Variants in RBFOX1 observed in about 807,000 individuals in gnomAD.
The protein encoded by RBFOX1 is RNA binding fox-1 homolog 1.
In RBFOX1, 8 loss-of-function variants were observed where a neutral mutation model predicts 57.7. That is an observed-to-expected ratio of 0.14 (90% confidence interval 0.08 to 0.25). The LOEUF is 0.25. RBFOX1 is among the 10% of genes least tolerant of loss of function. The pLI is 1.00. For synonymous variants in RBFOX1, 326 were observed against 222.4 expected (o/e 1.47, Z -4.15); for missense variants, 611 against 548.5 (o/e 1.11, Z -1.14).
At chr16:7,609,453 A>G (rs546132065) in intron 10 of RBFOX1, among the ~76,000 whole-genome samples, 1 of 152,322 alleles carries the variant, frequency 6.6e-6, no homozygotes, top group South Asian at 2.1e-4. Flanking sequence ...CTGATTTGTA[A>G]CTATAAGAAT....
intron 3 of RBFOX1, among the ~76,000 whole-genome samples, chr16:5,728,519 C>T (rs1045641195): frequency 5.9e-5 from 9 of 152,180 alleles, no homozygotes; most frequent in Non-Finnish European, 1.0e-4. Flanking sequence ...CCTCCTTGCC[C>T]ACTTAGCAGG....
At chr16:7,517,914 T>G (rs2076722541) in intron 4 of RBFOX1, among the ~76,000 whole-genome samples, 1 of 152,096 alleles carries the variant, frequency 6.6e-6, no homozygotes, top group South Asian at 2.1e-4. Context: ...ACTTTATCTT[T>G]ATCTTTCCAA....
chr16:5,801,465 G>A (rs890475002), intron 3 of RBFOX1, among the ~76,000 whole-genome samples: 6 of 151,618 alleles, frequency 4.0e-5, no homozygotes, highest in Admixed American at 1.3e-4. Context: ...GTTAATTTTT[G>A]AGGCAGTAAT....
chr16:7,445,136 G>T (rs1303201701), intron 4 of RBFOX1, among the ~76,000 whole-genome samples: 2 of 152,060 alleles, frequency 1.3e-5, no homozygotes, highest in African/African-American at 4.8e-5. Flanking sequence ...ACAGGGTGGG[G>T]ATAGTCCCTT....
chr16:6,902,412 C>G (rs2068715757), intron 3 of RBFOX1, among the ~76,000 whole-genome samples: 1 of 152,130 alleles, frequency 6.6e-6, no homozygotes, highest in South Asian at 2.1e-4. Context: ...CCAGGCCATA[C>G]TCAGAAGACC....
chr16:6,168,496 G>A (rs987983763), intron 1 of RBFOX1, among the ~76,000 whole-genome samples: 5 of 152,168 alleles, frequency 3.3e-5, no homozygotes, highest in African/African-American at 1.2e-4. Flanking sequence ...GATCTGCAAT[G>A]AGCCTATAGC....
At chr16:7,385,870 C>T (rs1597119564) in intron 4 of RBFOX1, among the ~76,000 whole-genome samples, 1 of 152,124 alleles carries the variant, frequency 6.6e-6, no homozygotes, top group East Asian at 1.9e-4. Flanking sequence ...TTTTCTGCTT[C>T]AGCCTCTGAG....
chr16:5,647,187 C>T (rs996321604), intron 3 of RBFOX1, among the ~76,000 whole-genome samples: 1 of 152,090 alleles, frequency 6.6e-6, no homozygotes, highest in Non-Finnish European at 1.5e-5. Flanking sequence ...GCATGTGCAC[C>T]GTTTCACTGA....
intron 2 of RBFOX1, among the ~76,000 whole-genome samples, chr16:5,513,165 G>A (rs975502657): frequency 6.6e-6 from 1 of 152,166 alleles, no homozygotes; most frequent in African/African-American, 2.4e-5. Flanking sequence ...TCTGGACTCA[G>A]CTTCCCAAAG....
chr16:5,258,461 T>C (rs2062645578), intron 1 of RBFOX1, among the ~76,000 whole-genome samples: 1 of 152,228 alleles, frequency 6.6e-6, no homozygotes, highest in African/African-American at 2.4e-5. Context: ...CAGTAATTCC[T>C]TAATATCCTC....
intron 4 of RBFOX1, among the ~76,000 whole-genome samples, chr16:7,237,718 T>C (rs572415995): frequency 6.6e-6 from 1 of 152,230 alleles, no homozygotes; most frequent in South Asian, 2.1e-4. Flanking sequence ...ATGAAGGAGA[T>C]TCTGGCCGAC....
At chr16:7,261,163 C>T (rs561237609) in intron 4 of RBFOX1, among the ~76,000 whole-genome samples, 25 of 152,314 alleles carry the variant, frequency 1.6e-4, no homozygotes, top group Non-Finnish European at 2.6e-4. Context: ...GAGCTCCAGC[C>T]GCAGTTCTTG....
chr16:5,791,710 T>A (rs2054703809), intron 3 of RBFOX1, among the ~76,000 whole-genome samples: 1 of 152,264 alleles, frequency 6.6e-6, no homozygotes, highest in Non-Finnish European at 1.5e-5. Flanking sequence ...TAGAAAAAAA[T>A]TAGCACACAC....
intron 5 of RBFOX1, among the ~76,000 whole-genome samples, chr16:7,535,613 C>T (rs1446787486): frequency 6.6e-6 from 1 of 152,212 alleles, no homozygotes; most frequent in African/African-American, 2.4e-5. Flanking sequence ...TCTTTCCTGA[C>T]ACCACCTCAA....
At chr16:5,640,482 C>CACAGGCACACACACATGTACACCATGCAT (rs2048825666) in intron 3 of RBFOX1, among the ~76,000 whole-genome samples, 1 of 151,454 alleles carries the variant, frequency 6.6e-6, no homozygotes, top group Admixed American at 6.6e-5. Context: ...ACACCATGCA[C>CACAGGCACACACACATGTACACCATGCAT]ACACATATAT....
chr16:7,240,067 A>G (rs1265211127), intron 4 of RBFOX1, among the ~76,000 whole-genome samples: 1 of 152,116 alleles, frequency 6.6e-6, no homozygotes, highest in Non-Finnish European at 1.5e-5. Context: ...CCTGAGTTCA[A>G]GCGATTCTCC....
In RBFOX1 at chr16:6,042,102, C is replaced by CTT. The variant is rs35458939; in HGVS notation, c.-127+22125_-127+22126dup. ...GTCTCATCTCCTGGACTCTCTCCTA[C>CTT]TTTTTTTTTTTTTTTTGAGACAGAG... is the stretch of plus-strand genomic sequence containing the variant. On this transcript the variant is annotated intron_variant, in intron 1 of 15. Transcript: ENST00000550418. 5.3e-4 allele frequency among the ~76,000 whole-genome samples: 75 copies of CTT among 140,912 alleles called. 1 individual carries two copies. Among genetic ancestry groups the CTT allele is most frequent in the East Asian group, 1.4e-3 (7 of 4,830 alleles). The allele number at this position is 140,912 out of a possible 152,430, so 92.4% of individuals were successfully genotyped here.
intron 3 of RBFOX1, among the ~76,000 whole-genome samples, chr16:5,625,543 TTTAC>T (rs71142633): frequency 0.13 from 17,858 of 140,762 alleles, 1,979 homozygotes; most frequent in African/African-American, 0.34. Flanking sequence ...TTGTTATTTA[TTTAC>T]TTATTTATTT....
At chr16:7,589,291 C>T (rs1248539464) in intron 7 of RBFOX1, among the ~76,000 whole-genome samples, 5 of 152,058 alleles carry the variant, frequency 3.3e-5, no homozygotes, top group African/African-American at 1.2e-4. Context: ...TAACTTTTGC[C>T]AGTTACAATG....
Sources: allele counts gnomAD v4.1 joint callset (sites outside exome capture counted in the v4.1 genomes callset), GRCh38; gene constraint gnomAD v4.1.1; transcripts MANE v1.5; gene names NCBI Gene and HGNC (gene_info 2026-07-23, HGNC 2026-07-21).